Variants in ANKFN1 observed in about 807,000 individuals in gnomAD.
The protein encoded by ANKFN1 is ankyrin repeat and fibronectin type-III domain-containing protein 1.
In ANKFN1, 74 loss-of-function variants were observed where a neutral mutation model predicts 108.7. That is an observed-to-expected ratio of 0.68 (90% CI 0.56 to 0.83). ANKFN1 has a LOEUF of 0.83. Among genes scored for constraint, ANKFN1 ranks in the 40% least tolerant of loss-of-function variants. The pLI, the probability that ANKFN1 is intolerant of heterozygous loss-of-function variation, is 0.00. For synonymous variants in ANKFN1, 547 were observed against 516.2 expected, an observed-to-expected ratio of 1.06 and a Z score of -0.81; for missense variants, 1,505 against 1,382.3, an observed-to-expected ratio of 1.09 and a Z score of -1.41.
intron 1 of ANKFN1, among the ~76,000 whole-genome samples, chr17:56,182,343 G>A (rs532272535): frequency 6.6e-6 from 1 of 152,294 alleles, no homozygotes; most frequent in East Asian, 1.9e-4. Context: ...GAAAATTCTT[G>A]AAGGAAATTA....
chr17:56,254,384 A>G (rs959484396), intron 3 of ANKFN1, among the ~76,000 whole-genome samples: 2 of 152,218 alleles, frequency 1.3e-5, no homozygotes, highest in African/African-American at 4.8e-5. Flanking sequence ...GAAAGTTACA[A>G]CAAAGCTGCC....
chr17:56,312,503 T>C (rs1186301242), intron 3 of ANKFN1, among the ~76,000 whole-genome samples: 1 of 152,156 alleles, frequency 6.6e-6, no homozygotes, highest in African/African-American at 2.4e-5. Flanking sequence ...CTTCCCACTT[T>C]CTCGGAGCCT....
chr17:56,492,122 G>C, intron 18 of ANKFN1, 65 bp from the exon 19 acceptor site: 1 of 668,680 alleles, frequency 1.5e-6, no homozygotes, highest in Admixed American at 2.1e-5. Flanking sequence ...TTTTCTCTGA[G>C]GTATGAATTT....
intron 1 of ANKFN1, among the ~76,000 whole-genome samples, chr17:56,157,770 G>A (rs1299243887): frequency 1.3e-5 from 2 of 152,170 alleles, no homozygotes; most frequent in Admixed American, 1.3e-4. Flanking sequence ...GGGCTTGAGG[G>A]TACATTTGTA....
chr17:56,479,618 TAAAAG>T (rs1267656711), intron 16 of ANKFN1, among the ~76,000 whole-genome samples: 1 of 152,226 alleles, frequency 6.6e-6, no homozygotes, highest in Non-Finnish European at 1.5e-5. Flanking sequence ...GGTAGTTAGT[TAAAAG>T]AGAGTAGTTT....
intron 2 of ANKFN1, among the ~76,000 whole-genome samples, chr17:56,213,555 A>T (rs1915195236): frequency 6.6e-6 from 1 of 152,148 alleles, no homozygotes. Flanking sequence ...GGAAGGAGAA[A>T]CATTTCTCCC....
chr17:56,099,547 A>G (rs1905598419), intron 4 of ANKFN1, among the ~76,000 whole-genome samples: 1 of 152,132 alleles, frequency 6.6e-6, no homozygotes, highest in African/African-American at 2.4e-5. Context: ...CAGATGTTGT[A>G]CTCTGGGGAC....
intron 18 of ANKFN1, among the ~76,000 whole-genome samples, chr17:56,489,087 G>A (rs10852986): frequency 6.6e-6 from 1 of 152,032 alleles, no homozygotes. Context: ...CAGAAGTATG[G>A]TTCAAACCCA....
intron 3 of ANKFN1, among the ~76,000 whole-genome samples, chr17:56,308,213 TG>T (rs1439510783): frequency 6.7e-6 from 1 of 150,128 alleles, no homozygotes; most frequent in African/African-American, 2.5e-5. Context: ...GTTGTGCACA[TG>T]TACCCTACAA....
intron 4 of ANKFN1, among the ~76,000 whole-genome samples, chr17:56,079,720 A>G (rs1905223053): frequency 6.6e-6 from 1 of 152,210 alleles, no homozygotes; most frequent in Non-Finnish European, 1.5e-5. Context: ...AAAAAATATC[A>G]CAGTTCTGAG....
intron 1 of ANKFN1, among the ~76,000 whole-genome samples, chr17:56,211,407 GA>G (rs1379396517): frequency 1.3e-5 from 2 of 152,270 alleles, no homozygotes; most frequent in East Asian, 3.9e-4. Flanking sequence ...AAGATCTGGT[GA>G]ACGTAAGTAT....
At position 56,394,057 on chromosome 17, in the gene ANKFN1, G is replaced by A. The variant is rs144787034; in HGVS notation, c.910+19343G>A. Among the ~76,000 whole-genome samples the A allele has an allele frequency of 7.6e-3, 1,155 of 152,300 alleles. 7 individuals carry two copies. Among genetic ancestry groups the A allele is most frequent in the African/African-American group, 0.027 (1,109 of 41,564 alleles). ...CTTGGATGTTAGTGGTGAAAACAAA[G>A]CTCACCAACATAAGAATTCACTTTG... On this transcript the variant is annotated intron_variant, in intron 8 of 20. Transcript: ENST00000682825.
At chr17:56,348,900 C>A (rs1011431458) in intron 4 of ANKFN1, among the ~76,000 whole-genome samples, 1 of 152,044 alleles carries the variant, frequency 6.6e-6, no homozygotes, top group Non-Finnish European at 1.5e-5. Context: ...GGAATATAAA[C>A]CATTCTATTA....
At chr17:56,319,937 T>G (rs1382549261) in intron 3 of ANKFN1, among the ~76,000 whole-genome samples, 1 of 152,122 alleles carries the variant, frequency 6.6e-6, no homozygotes, top group Non-Finnish European at 1.5e-5. Context: ...ATTATACATA[T>G]TATGTATTAT....
intron 1 of ANKFN1, among the ~76,000 whole-genome samples, chr17:56,171,374 C>T (rs1052056915): frequency 2.6e-5 from 4 of 152,106 alleles, no homozygotes; most frequent in African/African-American, 9.7e-5. Flanking sequence ...GGGCCAGGAG[C>T]CTGTGTTTCT....
intron 4 of ANKFN1, among the ~76,000 whole-genome samples, chr17:56,057,557 G>A (rs1289795624): frequency 6.6e-6 from 1 of 152,096 alleles, no homozygotes; most frequent in Admixed American, 6.5e-5. Flanking sequence ...AGGCAGAGGC[G>A]GGCAGATCAC....
Position 56,510,573 on chromosome 17 carries a change from CCTGGTCTACCTATCAT to C in ANKFN1, c.2748_2763del (p.Val917ThrfsTer11), listed in dbSNP as rs1399985710. The C allele has an allele frequency of 1.3e-6, 2 of 1,536,188 alleles. No individual in the cohort carries two copies. Among genetic ancestry groups the C allele is most frequent in the Non-Finnish European group, 1.7e-6 (2 of 1,146,896 alleles). ...ATGCCCTGAGCCCCAGAGACCTGGA[CCTGGTCTACCTATCAT>C]CTCACGACATTGCGCAGCAGACCCT... On this transcript the variant is annotated frameshift_variant, in exon 21 of 21. Coordinates refer to ENST00000682825, the MANE Select transcript of ANKFN1 (RefSeq NM_001370326.1). LOFTEE classifies it low-confidence loss of function (END_TRUNC).
At chr17:56,213,878 C>T (rs566288351) in intron 2 of ANKFN1, among the ~76,000 whole-genome samples, 8 of 152,192 alleles carry the variant, frequency 5.3e-5, no homozygotes, top group African/African-American at 1.4e-4. Flanking sequence ...CGTACTGTGC[C>T]CAGGGAGGCA....
At chr17:56,097,627 T>C (rs990267788) in intron 4 of ANKFN1, among the ~76,000 whole-genome samples, 1 of 152,198 alleles carries the variant, frequency 6.6e-6, no homozygotes, top group Non-Finnish European at 1.5e-5. Flanking sequence ...AGTCCTTAGG[T>C]GAAACACAGT....
Sources: gnomAD v4.1 joint callset for allele counts (sites outside exome capture counted in the v4.1 genomes callset) on GRCh38, gnomAD v4.1.1 for gene constraint, MANE v1.5 for transcripts, NCBI Gene and HGNC (gene_info 2026-07-23, HGNC 2026-07-21) for gene names.